The following KLHL7 variants were observed in gnomAD, a reference collection of about 807,000 sequenced individuals.
The protein encoded by KLHL7 is kelch-like protein 7.
Under a neutral mutation model 67.4 loss-of-function variants are expected in KLHL7, and 44 were observed. The observed-to-expected ratio is 0.65, with a 90% confidence interval of 0.51 to 0.84. The LOEUF is 0.84. Ranked by LOEUF, KLHL7 falls within the 40% of genes least tolerant of loss-of-function variation. The probability of loss-of-function intolerance (pLI) is 0.00; values close to 1 mark genes in which losing one functional copy is unlikely to be tolerated. For synonymous variants in KLHL7, 252 were observed against 243.3 expected, an observed-to-expected ratio of 1.04 and a Z score of -0.33; for missense variants, 362 against 718.1, an observed-to-expected ratio of 0.50 and a Z score of 5.67.
At chr7:23,148,009 A>G (rs1260179722) in intron 6 of KLHL7, among the ~76,000 whole-genome samples, 3 of 152,222 alleles carry the variant, frequency 2.0e-5, no homozygotes, top group African/African-American at 7.2e-5. Context: ...TATCTTGAGC[A>G]GATCCAAGAC....
intron 4 of KLHL7, among the ~76,000 whole-genome samples, chr7:23,138,288 C>A (rs940915923): frequency 6.6e-6 from 1 of 151,266 alleles, no homozygotes; most frequent in Non-Finnish European, 1.5e-5. Flanking sequence ...ATGGTGAAAC[C>A]CCGTCTCTAC....
At chr7:23,173,556 G>A (rs970416877) in intron 10 of KLHL7, among the ~76,000 whole-genome samples, 1 of 152,074 alleles carries the variant, frequency 6.6e-6, no homozygotes, top group East Asian at 1.9e-4. Context: ...AAAGGGAGTC[G>A]GAACTGAATC....
At position 23,105,827 on chromosome 7, in the gene KLHL7, C is replaced by G. The variant is rs1421398244; in HGVS notation, c.-200C>G. On this transcript the variant is annotated 5_prime_UTR_variant, in exon 1 of 11. Transcript: ENST00000339077. ...GCAGCCCAGTTGGTAGCGTCGCTCC[C>G]TGAGCGTTTCTAAGGGGGCCGCCCG... The G allele has an allele frequency of 1.4e-6, 1 of 740,604 alleles. No homozygotes were observed. Among genetic ancestry groups the G allele is most frequent in the African/African-American group, 1.8e-5 (1 of 57,028 alleles). 45.9% of individuals were successfully genotyped at this position (740,604 alleles called of 1,614,324 possible).
chr7:23,132,525 G>A (rs1043418189), intron 4 of KLHL7, among the ~76,000 whole-genome samples: 21 of 151,840 alleles, frequency 1.4e-4, no homozygotes, highest in Admixed American at 7.9e-4. Context: ...ATAGAGCTCC[G>A]TATATATTCT....
intron 5 of KLHL7, among the ~76,000 whole-genome samples, chr7:23,141,912 C>G (rs951623119): frequency 6.0e-5 from 9 of 149,634 alleles, no homozygotes; most frequent in Non-Finnish European, 1.2e-4. Flanking sequence ...CGTGAGCCAC[C>G]GCACCCGGCC....
intron 5 of KLHL7, among the ~76,000 whole-genome samples, chr7:23,142,315 G>T (rs774288376): frequency 7.2e-5 from 11 of 152,034 alleles, no homozygotes; most frequent in Non-Finnish European, 1.2e-4. Flanking sequence ...ACTAATATAG[G>T]TACTATAAGA....
intron 5 of KLHL7, among the ~76,000 whole-genome samples, chr7:23,142,000 C>A (rs1784202880): frequency 6.6e-6 from 1 of 151,996 alleles, no homozygotes. Context: ...CTCACTGCAA[C>A]CTCCACCTCC....
At chr7:23,152,044 C>T (rs930398192) in intron 6 of KLHL7, 23 bp from the exon 7 acceptor site, 20 of 1,612,988 alleles carry the variant, frequency 1.2e-5, no homozygotes, top group Middle Eastern at 1.6e-4. Context: ...GTTCTTGAAG[C>T]GTTGCCATGT....
intron 7 of KLHL7, among the ~76,000 whole-genome samples, chr7:23,157,817 A>G (rs968339324): frequency 1.3e-5 from 2 of 152,204 alleles, no homozygotes; most frequent in Admixed American, 6.5e-5. Context: ...CATCAAACTC[A>G]TTCTCCATAG....
chr7:23,119,401 C>T (rs1163835142), intron 1 of KLHL7, among the ~76,000 whole-genome samples: 1 of 152,160 alleles, frequency 6.6e-6, no homozygotes, highest in Non-Finnish European at 1.5e-5. Context: ...GACAGGGTTT[C>T]GCCATGTTGG....
At chr7:23,119,350 G>A (rs1362815039) in intron 1 of KLHL7, among the ~76,000 whole-genome samples, 6 of 152,006 alleles carry the variant, frequency 3.9e-5, no homozygotes, top group Non-Finnish European at 5.9e-5. Context: ...GATTACAGGC[G>A]TGCGCCACCA....
chr7:23,152,775 A>G (rs6949363), intron 7 of KLHL7, among the ~76,000 whole-genome samples: 67,301 of 152,032 alleles, frequency 0.44, 16,961 homozygotes, highest in African/African-American at 0.7. Flanking sequence ...AATTTTTAAT[A>G]GATCATTACT....
At chr7:23,150,759 T>TA (rs1784506464) in intron 6 of KLHL7, among the ~76,000 whole-genome samples, 1 of 152,224 alleles carries the variant, frequency 6.6e-6, no homozygotes. Context: ...CCTCCCCCGA[T>TA]ACAACCATAT....
chr7:23,149,191 A>G (rs1784455162), intron 6 of KLHL7, among the ~76,000 whole-genome samples: 1 of 152,258 alleles, frequency 6.6e-6, no homozygotes, highest in South Asian at 2.1e-4. Flanking sequence ...AAATTTAGAA[A>G]TGATTATACC....
chr7:23,175,054 T>C lies in KLHL7; in HGVS notation c.*756T>C. 2.2e-6 allele frequency: 1 copy of C among 453,834 alleles called. No homozygotes were observed. Among genetic ancestry groups the C allele is most frequent in the Non-Finnish European group, 4.4e-6 (1 of 226,638 alleles). 28.1% of individuals were successfully genotyped at this position (453,834 alleles called of 1,614,324 possible). On this transcript the variant is annotated 3_prime_UTR_variant, in exon 11 of 11. Transcript: ENST00000339077. Reference sequence around the variant, plus strand: ...CTCACTGTTAAATAAAACCCAATCATAGTAAGTGATTAACTAGCAAAAAGT... The same window carrying C: ...CTCACTGTTAAATAAAACCCAATCACAGTAAGTGATTAACTAGCAAAAAGT...
intron 1 of KLHL7, among the ~76,000 whole-genome samples, chr7:23,108,825 A>G (rs941186923): frequency 9.8e-5 from 15 of 152,360 alleles, no homozygotes; most frequent in African/African-American, 3.6e-4. Flanking sequence ...TCTTAAAGCC[A>G]ACATTGTTTG....
In KLHL7 at chr7:23,127,711, T is replaced by C. The variant is rs545959323; in HGVS notation, c.442+2539T>C. 5.9e-5 allele frequency among the ~76,000 whole-genome samples: 9 copies of C among 151,650 alleles called. No homozygotes were observed. The East Asian group carries it at 1.7e-3, about 29-fold the overall frequency. On this transcript the variant is annotated intron_variant, in intron 4 of 10. Transcript: ENST00000339077. ...GTGAAACCCCTCTCTACCAAAAAAA[T>C]ACAAAAATTAGCCGAGTGCAGGCGT...
chr7:23,152,882 T>C (rs1344892827), intron 7 of KLHL7, among the ~76,000 whole-genome samples: 4 of 152,230 alleles, frequency 2.6e-5, no homozygotes, highest in Admixed American at 6.5e-5. Flanking sequence ...TTTCTGGTAC[T>C]ACATGTATTG....
chr7:23,134,622 A>G (rs1237210314), intron 4 of KLHL7, among the ~76,000 whole-genome samples: 1 of 152,106 alleles, frequency 6.6e-6, no homozygotes, highest in Non-Finnish European at 1.5e-5. Flanking sequence ...TTATAGCTTC[A>G]AGGTCATTAC....
Sources: allele counts gnomAD v4.1 joint callset (sites outside exome capture counted in the v4.1 genomes callset), GRCh38; gene constraint gnomAD v4.1.1; transcripts MANE v1.5; gene names NCBI Gene and HGNC (gene_info 2026-07-23, HGNC 2026-07-21).